The following RASA1 variants were observed in gnomAD, a reference collection of about 807,000 sequenced individuals.
RASA1 encodes ras GTPase-activating protein 1.
In RASA1, 25 loss-of-function variants were observed where a neutral mutation model predicts 132.2. The ratio of observed to expected loss-of-function variants is 0.19; its 90% CI spans 0.14 to 0.26. The LOEUF (loss-of-function observed/expected upper bound fraction) is 0.26, where lower values mean the gene tolerates loss of function less well. RASA1 is among the 10% of genes least tolerant of loss of function. The pLI, the probability that RASA1 is intolerant of heterozygous loss-of-function variation, is 1.00. For missense variants in RASA1, 964 were observed against 1,299.2 expected, an observed-to-expected ratio of 0.74 and a Z score of 3.97; for synonymous variants, 477 against 449.9, an observed-to-expected ratio of 1.06 and a Z score of -0.76.
At chr5:87,295,511 T>TTTTA (rs372695942) in intron 1 of RASA1, among the ~76,000 whole-genome samples, 20 of 150,912 alleles carry the variant, frequency 1.3e-4, no homozygotes, top group Admixed American at 5.9e-4. Flanking sequence ...ATTTATTTTA[T>TTTTA]TTTATTTATT....
In RASA1 at chr5:87,387,422, T is replaced by G. The variant is rs564569306; in HGVS notation, c.2925+519T>G. Among the ~76,000 whole-genome samples the G allele has an allele frequency of 5.9e-5, 9 of 152,306 alleles. No individual in the cohort carries two copies. In the South Asian group the frequency reaches 1.9e-3, roughly 32 times the overall value. On this transcript the variant is annotated intron_variant, in intron 23 of 24. Coordinates refer to ENST00000274376, the MANE Select transcript of RASA1 (RefSeq NM_002890.3). Reference sequence around the variant, plus strand: ...ATAAAATAAATTGTGATTACAAAATTACGAATGAGGGTATTTTATAATTTC... The same window carrying G: ...ATAAAATAAATTGTGATTACAAAATGACGAATGAGGGTATTTTATAATTTC...
chr5:87,362,482 C>A lies in RASA1; in HGVS notation c.1333-69C>A, dbSNP rs114734934. On this transcript the variant is annotated intron_variant, in intron 9 of 24. Transcript: ENST00000274376. ...TAAGCGCTTTGGCTTTTAATTGGTACTTTTATAGATTTTTACTTCATTTCC... is the reference window on the plus strand; with the variant it reads ...TAAGCGCTTTGGCTTTTAATTGGTAATTTTATAGATTTTTACTTCATTTCC... 4.4e-3 allele frequency: 6,576 copies of A among 1,489,670 alleles called. 93 individuals are homozygous for A. The highest frequency in any genetic ancestry group is 0.043 in the African/African-American group (3,104 of 71,606). The allele number at this position is 1,489,670 out of a possible 1,614,324, so 92.3% of individuals were successfully genotyped here.
chr5:87,287,558 T>TACACCATACATATAC (rs2112260226), intron 1 of RASA1, among the ~76,000 whole-genome samples: 1 of 145,686 alleles, frequency 6.9e-6, no homozygotes, highest in African/African-American at 2.5e-5. Flanking sequence ...ACCATATATA[T>TACACCATACATATAC]ACACCATACA....
At chr5:87,303,839 C>CTTTTT (rs755878903) in intron 1 of RASA1, among the ~76,000 whole-genome samples, 2 of 130,336 alleles carry the variant, frequency 1.5e-5, no homozygotes, top group African/African-American at 2.8e-5. Flanking sequence ...TACTTCTTGT[C>CTTTTT]TTTTTTTTTT....
intron 1 of RASA1, among the ~76,000 whole-genome samples, chr5:87,285,668 A>C (rs1463976218): frequency 2.2e-5 from 3 of 136,152 alleles, no homozygotes; most frequent in African/African-American, 5.7e-5. Context: ...CCTAGGCTGG[A>C]GTGCAATGGC....
Position 87,291,516 on chromosome 5 carries a change from G to C in RASA1, c.539+22526G>C, listed in dbSNP as rs544314864. Reference sequence around the variant, plus strand: ...ACGGCACTCCTACCTGGGCAACAGGGTGAGACCCTGTCTCCTAAATAAATA... The same window carrying C: ...ACGGCACTCCTACCTGGGCAACAGGCTGAGACCCTGTCTCCTAAATAAATA... On this transcript the variant is annotated intron_variant, in intron 1 of 24. Transcript: ENST00000274376. 7.9e-5 allele frequency among the ~76,000 whole-genome samples: 12 copies of C among 152,304 alleles called. No homozygotes were observed. In the East Asian group the frequency reaches 2.1e-3, roughly 27 times the overall value.
At chr5:87,318,250 T>C (rs548069803) in intron 1 of RASA1, among the ~76,000 whole-genome samples, 72 of 152,194 alleles carry the variant, frequency 4.7e-4, no homozygotes, top group Admixed American at 4.1e-3. Context: ...TATATAAAAA[T>C]CAGCAAAATT....
At chr5:87,289,800 G>A (rs1384094828) in intron 1 of RASA1, among the ~76,000 whole-genome samples, 1 of 152,048 alleles carries the variant, frequency 6.6e-6, no homozygotes, top group Admixed American at 6.6e-5. Flanking sequence ...TGTATAGACA[G>A]GTTCTCACCA....
Position 87,362,680 on chromosome 5 carries a change from A to C in RASA1, c.1453+9A>C. 6.2e-7 allele frequency: 1 copy of C among 1,603,458 alleles called. No homozygotes were observed. Among genetic ancestry groups the C allele is most frequent in the Non-Finnish European group, 8.5e-7 (1 of 1,170,686 alleles). ...TTATCTTCTGAAAAAGGGTAAGTTC[A>C]GACTTTTATCATTAACCCATTTGAT... is the stretch of plus-strand genomic sequence containing the variant. On this transcript the variant is annotated intron_variant, in intron 10 of 24. Coordinates refer to ENST00000274376, the MANE Select transcript of RASA1 (RefSeq NM_002890.3).
At chr5:87,322,833 C>A in intron 1 of RASA1, among the ~76,000 whole-genome samples, 1 of 152,110 alleles carries the variant, frequency 6.6e-6, no homozygotes, top group Non-Finnish European at 1.5e-5. Flanking sequence ...AATAACACCA[C>A]AAGAAGGAAT....
rs1453127165 is a variant in RASA1, at chr5:87,362,711, C to T, written c.1453+40C>T. 39 of 1,584,468 alleles carry T rather than the reference C, an allele frequency of 2.5e-5. 1 individual carries two copies. Among genetic ancestry groups the T allele is most frequent in the South Asian group, 2.4e-4 (22 of 90,202 alleles). On this transcript the variant is annotated intron_variant, in intron 10 of 24. Transcript: ENST00000274376. ...TTATCATTAACCCATTTGATAGAGA[C>T]GTTGTAAATATGGAGCTCCGAACTT...
intron 5 of RASA1, among the ~76,000 whole-genome samples, chr5:87,338,866 T>C (rs1370908502): frequency 1.3e-5 from 2 of 152,122 alleles, no homozygotes; most frequent in African/African-American, 4.8e-5. Context: ...CACATGGTTC[T>C]ACATTTTGAA....
At chr5:87,390,575 AAC>A (rs983916633) in intron 24 of RASA1, among the ~76,000 whole-genome samples, 1 of 152,200 alleles carries the variant, frequency 6.6e-6, no homozygotes, top group African/African-American at 2.4e-5. Context: ...GAGCATGCCA[AAC>A]ACAAACAAAT....
chr5:87,282,943 C>T (rs947267616), intron 1 of RASA1, among the ~76,000 whole-genome samples: 1 of 152,064 alleles, frequency 6.6e-6, no homozygotes, highest in African/African-American at 2.4e-5. Flanking sequence ...GCTAATTAAC[C>T]TGCGTTACCT....
intron 20 of RASA1, 57 bp downstream of exon 20, chr5:87,380,652 A>C: frequency 7.1e-7 from 1 of 1,401,114 alleles, no homozygotes; most frequent in Non-Finnish European, 1.0e-6. Flanking sequence ...TAATTGTGAA[A>C]AATTGAGGAA....
intron 1 of RASA1, among the ~76,000 whole-genome samples, chr5:87,282,057 G>A (rs906581954): frequency 1.3e-5 from 2 of 151,952 alleles, no homozygotes; most frequent in Admixed American, 6.6e-5. Flanking sequence ...ATGAATTCCA[G>A]CTTACTTGTT....
At position 87,374,923 on chromosome 5, in the gene RASA1, T is replaced by G. The variant is rs1459156769; in HGVS notation, c.2011+7T>G. 3.1e-6 allele frequency: 5 copies of G among 1,602,730 alleles called. No individual in the cohort carries two copies. The East Asian group carries it at 1.1e-4, about 36-fold the overall frequency. ...AGCAAAGATCCTGATATCTGTAAGT[T>G]GATACAGAAACTTTCTAAAATAGAA... is the stretch of plus-strand genomic sequence containing the variant. On this transcript the variant is annotated splice_region_variant and intron_variant, in intron 15 of 24. Transcript: ENST00000274376.
At position 87,389,574 on chromosome 5, in the gene RASA1, A is replaced by C. The variant is rs765546308; in HGVS notation, c.3060+47A>C. On this transcript the variant is annotated intron_variant, in intron 24 of 24. Coordinates refer to ENST00000274376, the MANE Select transcript of RASA1 (RefSeq NM_002890.3). ...TTAACAATGATGTTTCAAAGATAACACTTAGAGAGTTAATAAATAGCTGAA... is the reference window on the plus strand; with the variant it reads ...TTAACAATGATGTTTCAAAGATAACCCTTAGAGAGTTAATAAATAGCTGAA... The C allele has an allele frequency of 1.9e-6, 3 of 1,602,978 alleles. No homozygotes were observed. In the African/African-American group the frequency reaches 4.0e-5, roughly 21 times the overall value.
rs1561333645 is a variant in RASA1 at position 87,389,510 on chromosome 5, G to A, written c.3043G>A (p.Glu1015Lys). Residue 1015 changes from glutamate (E) to lysine (K), a missense_variant, in exon 24 of 25, where the codon GAG becomes AAG. Coordinates refer to ENST00000274376, the MANE Select transcript of RASA1 (RefSeq NM_002890.3). ...AGATGAACTTCGAACGCTCAGTAATGAGCGTGGTGCACAGCAGGTAGGCTT... is the reference window on the plus strand; with the variant it reads ...AGATGAACTTCGAACGCTCAGTAATAAGCGTGGTGCACAGCAGGTAGGCTT... ...HSDELRTLSN[E>K]RGAQQHVLKK... 6.2e-7 allele frequency: 1 copy of A among 1,614,036 alleles called. No individual in the cohort carries two copies. The highest frequency in any genetic ancestry group is 8.5e-7 in the Non-Finnish European group (1 of 1,179,952).
Sources: allele counts gnomAD v4.1 joint callset (sites outside exome capture counted in the v4.1 genomes callset), GRCh38; gene constraint gnomAD v4.1.1; transcripts MANE v1.5; gene names NCBI Gene and HGNC (gene_info 2026-07-23, HGNC 2026-07-21).